The following RWDD4 variants were observed in gnomAD, a reference collection of about 807,000 sequenced individuals.
RWDD4 encodes RWD domain containing 4, also known as RWD domain-containing protein 4.
A neutral mutation model predicts 30.0 loss-of-function variants in RWDD4; 16 were observed. The observed-to-expected ratio is 0.53, with a 90% CI of 0.36 to 0.81. The LOEUF is 0.81. Among genes scored for constraint, RWDD4 ranks in the 30% least tolerant of loss-of-function variants. RWDD4 has a pLI of 0.00. For synonymous variants in RWDD4, 45 were observed against 72.1 expected (o/e 0.62, Z 1.90); for missense variants, 170 against 223.9 (o/e 0.76, Z 1.54).
intron 7 of RWDD4, among the ~76,000 whole-genome samples, chr4:183,642,731 T>G (rs1475546001): frequency 1.3e-5 from 2 of 152,118 alleles, no homozygotes; most frequent in Non-Finnish European, 1.5e-5. Flanking sequence ...TCAAATGTCA[T>G]GCAGCCTCTG....
Position 183,655,976 on chromosome 4 carries a change from T to C in RWDD4, c.25-15A>G, listed in dbSNP as rs754331076. ...TCTAGTTCCATCTGAAATAAAGAACTGAATGAGTTTTGTTTAGTGGTATAA... is the reference window on the plus strand; with the variant it reads ...TCTAGTTCCATCTGAAATAAAGAACCGAATGAGTTTTGTTTAGTGGTATAA... On this transcript the variant is annotated splice_polypyrimidine_tract_variant and intron_variant, in intron 1 of 7. Transcript: ENST00000326397. 5 of 1,559,818 alleles carry C rather than the reference T, an allele frequency of 3.2e-6. No individual in the cohort carries two copies. The Admixed American group carries it at 5.2e-5, about 16-fold the overall frequency.
At chr4:183,657,095 G>A (rs1561015269) in intron 1 of RWDD4, among the ~76,000 whole-genome samples, 1 of 152,188 alleles carries the variant, frequency 6.6e-6, no homozygotes, top group African/African-American at 2.4e-5. Context: ...GGACATTAAG[G>A]AGTAGACCCT....
chr4:183,646,581 C>T (rs755087082), intron 5 of RWDD4, 44 bp from the exon 6 acceptor site: 1 of 1,545,734 alleles, frequency 6.5e-7, no homozygotes, highest in Non-Finnish European at 8.8e-7. Context: ...GACCAACCAG[C>T]TAGTTTTATA....
rs1489675937 is a variant in RWDD4, at chr4:183,658,958, C to T, written c.-6G>A. 8 of 1,275,714 alleles carry T rather than the reference C, an allele frequency of 6.3e-6. No individual in the cohort carries two copies. The highest frequency in any genetic ancestry group is 5.9e-6 in the Non-Finnish European group (6 of 1,012,138). 79.0% of individuals were successfully genotyped at this position (1,275,714 alleles called of 1,614,324 possible). A position where few individuals can be genotyped will look rare whatever the true frequency, so the allele number is the denominator to read the frequency against. On this transcript the variant is annotated 5_prime_UTR_variant, in exon 1 of 8. Coordinates refer to ENST00000326397, the MANE Select transcript of RWDD4 (RefSeq NM_152682.4). ...TGGTCCTCGTTGGCACTCATCGCGC[C>T]GGTCGCGGGGCGCCTCCTGAGCGGA...
chr4:183,650,884 T>C (rs1448511561), intron 4 of RWDD4, 100 bp downstream of exon 4: 2 of 1,216,068 alleles, frequency 1.6e-6, no homozygotes, highest in Non-Finnish European at 2.3e-6. Flanking sequence ...TTAACAAGTC[T>C]TCTTCCGATT....
At chr4:183,653,226 G>C (rs1734119831) in intron 2 of RWDD4, among the ~76,000 whole-genome samples, 1 of 152,128 alleles carries the variant, frequency 6.6e-6, no homozygotes, top group Non-Finnish European at 1.5e-5. Flanking sequence ...ACATGGTTTA[G>C]GTGATCTTCT....
chr4:183,644,881 G>A (rs1733938200), intron 7 of RWDD4, among the ~76,000 whole-genome samples: 1 of 152,122 alleles, frequency 6.6e-6, no homozygotes, highest in Non-Finnish European at 1.5e-5. Flanking sequence ...AGGATCACTT[G>A]AGCCCAGGAG....
chr4:183,652,255 C>T (rs1734091746), intron 2 of RWDD4, among the ~76,000 whole-genome samples: 1 of 152,268 alleles, frequency 6.6e-6, no homozygotes, highest in South Asian at 2.1e-4. Flanking sequence ...ATAGACATCA[C>T]CTCAACCCAC....
chr4:183,654,802 A>G (rs1345940058), intron 2 of RWDD4, among the ~76,000 whole-genome samples: 1 of 152,210 alleles, frequency 6.6e-6, no homozygotes, highest in Non-Finnish European at 1.5e-5. Flanking sequence ...AATTGAGAAC[A>G]GAAACTTATT....
At chr4:183,650,557 A>G (rs1561011790) in intron 4 of RWDD4, among the ~76,000 whole-genome samples, 1 of 151,666 alleles carries the variant, frequency 6.6e-6, no homozygotes, top group Non-Finnish European at 1.5e-5. Context: ...TATTCAATAA[A>G]GTTTCCACAT....
Position 183,648,476 on chromosome 4 carries a change from GAT to G in RWDD4, c.481+973_481+974del, listed in dbSNP as rs534526318. On this transcript the variant is annotated intron_variant, in intron 5 of 7. Transcript: ENST00000326397. Reference sequence around the variant, plus strand: ...AGAAAAGCAATCAAATATTATTGTTGATATGAGCTAGAGTTTATTATCTTCTT... The same window carrying G: ...AGAAAAGCAATCAAATATTATTGTTGATGAGCTAGAGTTTATTATCTTCTT... 1.6e-3 allele frequency among the ~76,000 whole-genome samples: 235 copies of G among 146,074 alleles called. 2 individuals carry two copies. In the Middle Eastern group the frequency reaches 0.017, roughly 11 times the overall value.
rs943676722 is a variant in RWDD4, at chr4:183,658,933, T to C, written c.20A>G (p.Gln7Arg). Reference protein sequence around the residue: MSANEDQEMELEALRSI... With the variant: MSANEDREMELEALRSI... ...GCCCTGAGCCGGGGGGCTCACCTCC[T>C]GGTCCTCGTTGGCACTCATCGCGCC... Residue 7 changes from glutamine to arginine, a missense_variant, in exon 1 of 8, where the codon CAG becomes CGG. By Grantham distance (43) the Gln-to-Arg change is conservative. Transcript: ENST00000326397. 37 of 1,272,532 alleles carry C rather than the reference T, an allele frequency of 2.9e-5. No homozygotes were observed. Among genetic ancestry groups the C allele is most frequent in the Non-Finnish European group, 3.7e-5 (37 of 1,010,506 alleles). 78.8% of individuals were successfully genotyped at this position (1,272,532 alleles called of 1,614,324 possible).
chr4:183,646,003 A>T (rs1359012269), intron 7 of RWDD4, among the ~76,000 whole-genome samples: 1 of 152,112 alleles, frequency 6.6e-6, no homozygotes, highest in Non-Finnish European at 1.5e-5. Flanking sequence ...CCTGGGTTCA[A>T]GCGAATTCTC....
intron 7 of RWDD4, among the ~76,000 whole-genome samples, chr4:183,643,169 G>A (rs993600497): frequency 8.9e-5 from 13 of 146,314 alleles, no homozygotes; most frequent in African/African-American, 3.2e-4. Flanking sequence ...GCTCACACCT[G>A]TAATCCCAGC....
At chr4:183,645,301 T>G (rs2111232146) in intron 7 of RWDD4, among the ~76,000 whole-genome samples, 1 of 152,334 alleles carries the variant, frequency 6.6e-6, no homozygotes, top group South Asian at 2.1e-4. Flanking sequence ...CAAAGAGAAT[T>G]AATTTACTAT....
chr4:183,647,260 C>T (rs534400684), intron 5 of RWDD4, among the ~76,000 whole-genome samples: 2 of 152,090 alleles, frequency 1.3e-5, no homozygotes, highest in African/African-American at 2.4e-5. Flanking sequence ...TGCATGTCTC[C>T]ACTTTATGAA....
chr4:183,656,530 C>A (rs768653720), intron 1 of RWDD4, among the ~76,000 whole-genome samples: 1 of 152,166 alleles, frequency 6.6e-6, no homozygotes, highest in Non-Finnish European at 1.5e-5. Context: ...AACTAGTAAT[C>A]CTTGCTTGGA....
intron 1 of RWDD4, among the ~76,000 whole-genome samples, chr4:183,657,858 A>G (rs755030596): frequency 1.3e-5 from 2 of 152,224 alleles, no homozygotes; most frequent in Admixed American, 6.5e-5. Flanking sequence ...TTTCTTGTTA[A>G]ACTGGAGATT....
At chr4:183,653,283 A>G (rs1464794860) in intron 2 of RWDD4, among the ~76,000 whole-genome samples, 2 of 152,062 alleles carry the variant, frequency 1.3e-5, no homozygotes, top group African/African-American at 4.8e-5. Context: ...TTAAGGAATA[A>G]TCTCGCTGGG....
Sources: gnomAD v4.1 joint callset for allele counts (sites outside exome capture counted in the v4.1 genomes callset) on GRCh38, gnomAD v4.1.1 for gene constraint, MANE v1.5 for transcripts, NCBI Gene and HGNC (gene_info 2026-07-23, HGNC 2026-07-21) for gene names.